The following ZNF627 variants were observed in gnomAD, a reference collection of about 807,000 sequenced individuals.
ZNF627 encodes the protein zinc finger protein 627.
Under a neutral mutation model 10.6 loss-of-function variants are expected in ZNF627, and 12 were observed. That is an observed-to-expected ratio of 1.13 (90% CI 0.73 to 1.84). The LOEUF (loss-of-function observed/expected upper bound fraction) is 1.84, where lower values mean the gene tolerates loss of function less well. ZNF627 is among the 40% of genes most tolerant of loss of function. The pLI is 0.00. For missense variants in ZNF627, 504 were observed against 568.4 expected, an observed-to-expected ratio of 0.89 and a Z score of 1.15; for synonymous variants, 176 against 187.1, an observed-to-expected ratio of 0.94 and a Z score of 0.48.
At chr19:11,599,893 C>T (rs1027927145) in intron 1 of ZNF627, among the ~76,000 whole-genome samples, 2 of 151,870 alleles carry the variant, frequency 1.3e-5, no homozygotes, top group Admixed American at 6.6e-5. Context: ...GGTGACAGAG[C>T]GAGACTCTGT....
intron 1 of ZNF627, among the ~76,000 whole-genome samples, chr19:11,598,576 C>T (rs1025530419): frequency 1.2e-4 from 19 of 152,176 alleles, no homozygotes; most frequent in African/African-American, 4.6e-4. Flanking sequence ...AAATCCTTGA[C>T]CTTGTTCCCC....
At chr19:11,598,272 G>A (rs148644610) in intron 1 of ZNF627, among the ~76,000 whole-genome samples, 1 of 152,232 alleles carries the variant, frequency 6.6e-6, no homozygotes, top group Non-Finnish European at 1.5e-5. Context: ...GGTGGCTCAC[G>A]CCTGTAATCG....
In ZNF627 at chr19:11,617,557, A is replaced by G. The variant is rs756944041; in HGVS notation, c.1054A>G (p.Ile352Val). 1.2e-6 allele frequency: 2 copies of G among 1,613,682 alleles called. No individual in the cohort carries two copies. Among genetic ancestry groups the G allele is most frequent in the African/African-American group, 2.7e-5 (2 of 74,868 alleles). Residue 352 changes from isoleucine (I) to valine (V), a missense_variant, in exon 4 of 4, where the codon ATC becomes GTC. Transcript: ENST00000361113. Reference protein sequence around the residue: ...KAFDFPSSFRIHERTHTGEKP... With the variant: ...KAFDFPSSFRVHERTHTGEKP... ...CTTTGATTTCCCCAGTTCATTTCGA[A>G]TCCATGAAAGGACCCACACTGGAGA...
chr19:11,598,427 AAAATATAAAATC>A (rs768323533), intron 1 of ZNF627, among the ~76,000 whole-genome samples: 3 of 152,176 alleles, frequency 2.0e-5, no homozygotes, highest in Non-Finnish European at 4.4e-5. Context: ...ACAAATTTTT[AAAATATAAAATC>A]AAATAAAAGA....
rs1435159319 is a variant in ZNF627, at chr19:11,614,606, T to C, written c.83T>C (p.Leu28Pro). Residue 28 changes from leucine to proline, a missense_variant, in exon 2 of 4, where the codon CTC becomes CCC. Transcript: ENST00000361113. ...WALLDPSQKN[L>P]YRDVMRETFR... ...TTGCTGGATCCTTCCCAGAAGAATCTCTACAGGGATGTGATGCGGGAAACC... is the reference window on the plus strand; with the variant it reads ...TTGCTGGATCCTTCCCAGAAGAATCCCTACAGGGATGTGATGCGGGAAACC... 1.4e-5 allele frequency: 22 copies of C among 1,613,712 alleles called. No individual in the cohort carries two copies. The highest frequency in any genetic ancestry group is 1.9e-5 in the Non-Finnish European group (22 of 1,179,978).
intron 1 of ZNF627, among the ~76,000 whole-genome samples, chr19:11,611,555 A>G (rs989417204): frequency 2.6e-5 from 4 of 152,212 alleles, no homozygotes; most frequent in Non-Finnish European, 4.4e-5. Context: ...GCCAGACCCA[A>G]TAGAAACTTT....
At chr19:11,614,740 G>A (rs752367105) in intron 2 of ZNF627, 87 bp downstream of exon 2, 10 of 1,602,476 alleles carry the variant, frequency 6.2e-6, no homozygotes, top group Non-Finnish European at 8.5e-6. Context: ...ACCAGGCATG[G>A]GTACAGGGAA....
At chr19:11,614,946 A>AT (rs5827132) in intron 3 of ZNF627, 59 bp downstream of exon 3, 55,553 of 932,308 alleles carry the variant, frequency 0.06, 624 homozygotes, top group Middle Eastern at 0.068. Context: ...ATTGTTAGGA[A>AT]TTTTTTTTTT....
At chr19:11,610,453 A>G (rs1261671957) in intron 1 of ZNF627, among the ~76,000 whole-genome samples, 3 of 152,102 alleles carry the variant, frequency 2.0e-5, no homozygotes, top group Admixed American at 6.6e-5. Context: ...TAAAAATAAA[A>G]CAGTCAGATG....
intron 1 of ZNF627, among the ~76,000 whole-genome samples, chr19:11,610,437 AAAAAAT>A (rs1167750193): frequency 6.6e-6 from 1 of 151,364 alleles, no homozygotes; most frequent in Non-Finnish European, 1.5e-5. Flanking sequence ...TTTTTTCCTC[AAAAAAT>A]AAAAATAAAA....
intron 1 of ZNF627, among the ~76,000 whole-genome samples, chr19:11,613,086 CCCCCTCCCCT>C (rs1336479465): frequency 1.9e-5 from 1 of 52,054 alleles, no homozygotes; most frequent in Non-Finnish European, 3.8e-5. Context: ...CCCTCCCTTC[CCCCCTCCCCT>C]CCCCTCCCCT....
chr19:11,598,245 A>T (rs997596334), intron 1 of ZNF627, among the ~76,000 whole-genome samples: 3 of 152,214 alleles, frequency 2.0e-5, no homozygotes, highest in Admixed American at 1.3e-4. Flanking sequence ...TAAGAATTTC[A>T]TTTGAGGCTG....
Position 11,597,637 on chromosome 19 carries a change from G to C in ZNF627, c.3+7G>C. On this transcript the variant is annotated splice_region_variant and intron_variant, in intron 1 of 3. Transcript: ENST00000361113. ...ACCTGGAAGCCGAGAAATGGTGCGT[G>C]TGAGGGGTCAGGCGTCCCCAGACCT... 1 of 1,336,802 alleles carries C rather than the reference G, an allele frequency of 7.5e-7. No homozygotes were observed. The highest frequency in any genetic ancestry group is 9.6e-7 in the Non-Finnish European group (1 of 1,037,122). 82.8% of individuals were successfully genotyped at this position (1,336,802 alleles called of 1,614,324 possible).
At position 11,610,906 on chromosome 19, in the gene ZNF627, G is replaced by A. The variant is rs143735782; in HGVS notation, c.4-3621G>A. ...CTTGCTCTGTTGGCCAGGCTGGAGT[G>A]CAGTGGCGTGATTTCAGCTCACTGC... is the stretch of plus-strand genomic sequence containing the variant. On this transcript the variant is annotated intron_variant, in intron 1 of 3. Coordinates refer to ENST00000361113, the MANE Select transcript of ZNF627 (RefSeq NM_145295.4). 2.9e-3 allele frequency among the ~76,000 whole-genome samples: 446 copies of A among 152,108 alleles called. 2 individuals carry two copies. The highest frequency in any genetic ancestry group is 0.01 in the African/African-American group (426 of 41,478).
At chr19:11,613,020 G>A (rs1342968111) in intron 1 of ZNF627, among the ~76,000 whole-genome samples, 3 of 139,234 alleles carry the variant, frequency 2.2e-5, no homozygotes, top group Non-Finnish European at 4.6e-5. Flanking sequence ...TAATGAATCT[G>A]GGCACACTCG....
intron 1 of ZNF627, among the ~76,000 whole-genome samples, chr19:11,609,024 C>T (rs1973720425): frequency 6.6e-6 from 1 of 152,080 alleles, no homozygotes; most frequent in Non-Finnish European, 1.5e-5. Context: ...GGGCATGCCA[C>T]CATGCTCAGC....
At chr19:11,606,285 C>T (rs187016632) in intron 1 of ZNF627, among the ~76,000 whole-genome samples, 122 of 151,528 alleles carry the variant, frequency 8.1e-4, no homozygotes, top group African/African-American at 2.6e-3. Flanking sequence ...TCCAGTGAGC[C>T]GAGATCATGC....
At chr19:11,613,680 A>C (rs1973817715) in intron 1 of ZNF627, among the ~76,000 whole-genome samples, 1 of 151,298 alleles carries the variant, frequency 6.6e-6, no homozygotes, top group Non-Finnish European at 1.5e-5. Context: ...AGCCTTTAGT[A>C]ATTCATTAGT....
intron 1 of ZNF627, among the ~76,000 whole-genome samples, chr19:11,608,443 TTTAG>T (rs1973711646): frequency 6.6e-6 from 1 of 152,218 alleles, no homozygotes; most frequent in African/African-American, 2.4e-5. Flanking sequence ...GCTGTAATAT[TTTAG>T]TTATTTATAA....
Sources: gnomAD v4.1 joint callset for allele counts (sites outside exome capture counted in the v4.1 genomes callset) on GRCh38, gnomAD v4.1.1 for gene constraint, MANE v1.5 for transcripts, NCBI Gene and HGNC (gene_info 2026-07-23, HGNC 2026-07-21) for gene names.